CDCA7L: variants seen among roughly 807,000 people sequenced by gnomAD.
The protein encoded by CDCA7L is cell division cycle associated 7 like, also known as cell division cycle-associated 7-like protein.
CDCA7L carries 44 observed loss-of-function variants against 57.4 expected under a neutral mutation model. The ratio of observed to expected loss-of-function variants is 0.77; its 90% CI spans 0.60 to 0.98. CDCA7L has a LOEUF of 0.98. CDCA7L is among the 50% of genes least tolerant of loss of function. The pLI is 0.00. For synonymous variants in CDCA7L, 236 were observed against 202.8 expected (o/e 1.16, Z -1.39); for missense variants, 644 against 580.6 (o/e 1.11, Z -1.12).
Position 21,902,163 on chromosome 7 carries a change from TTGTAAGCA to T in CDCA7L, c.*151_*158del. On this transcript the variant is annotated 3_prime_UTR_variant, in exon 10 of 10. Transcript: ENST00000406877. ...GCTCTGCTGTCTTCCTGAGAAATCTTTGTAAGCATATAAACAATCTTTAACAAAAAATA... is the reference window on the plus strand; with the variant it reads ...GCTCTGCTGTCTTCCTGAGAAATCTTTATAAACAATCTTTAACAAAAAATA... The T allele has an allele frequency of 1.4e-6, 1 of 712,934 alleles. No homozygotes were observed. Among genetic ancestry groups the T allele is most frequent in the South Asian group, 1.7e-5 (1 of 57,432 alleles). The allele number at this position is 712,934 out of a possible 1,614,324, so 44.2% of individuals were successfully genotyped here. A position where few individuals can be genotyped will look rare whatever the true frequency, so the allele number is the denominator to read the frequency against.
rs74856427 is a variant in CDCA7L, at chr7:21,914,742, C to G, written c.165+2012G>C. ...GTGGGGCCTTGGGCAAGTCATTACA[C>G]CTTCCTGAACGTCAGTTTCATCACT... is the stretch of plus-strand genomic sequence containing the variant. On this transcript the variant is annotated intron_variant, in intron 2 of 9. Coordinates refer to ENST00000406877, the MANE Select transcript of CDCA7L (RefSeq NM_018719.5). 9.1e-3 allele frequency among the ~76,000 whole-genome samples: 1,381 copies of G among 152,264 alleles called. 17 individuals are homozygous for G. Among genetic ancestry groups the G allele is most frequent in the African/African-American group, 0.03 (1,267 of 41,544 alleles).
intron 1 of CDCA7L, among the ~76,000 whole-genome samples, chr7:21,941,605 A>T (rs1165291578): frequency 1.3e-5 from 2 of 152,198 alleles, no homozygotes; most frequent in Non-Finnish European, 2.9e-5. Flanking sequence ...GTGAGTTCCT[A>T]AAAAAGAACC....
chr7:21,931,803 T>C (rs1196863834), intron 1 of CDCA7L, among the ~76,000 whole-genome samples: 1 of 152,186 alleles, frequency 6.6e-6, no homozygotes, highest in African/African-American at 2.4e-5. Flanking sequence ...CCATTTTCCA[T>C]TGCCAGGGCA....
At position 21,911,522 on chromosome 7, in the gene CDCA7L, T is replaced by C. The variant is rs895833880; in HGVS notation, c.303+95A>G. On this transcript the variant is annotated intron_variant, in intron 3 of 9. Coordinates refer to ENST00000406877, the MANE Select transcript of CDCA7L (RefSeq NM_018719.5). ...GTAAGATAAATATGTAAGAAAAATC[T>C]TTTCACTTGTGAAGTGACTGCTTAC... 36 of 1,407,866 alleles carry C rather than the reference T, an allele frequency of 2.6e-5. No homozygotes were observed. In the African/African-American group the frequency reaches 5.1e-4, roughly 20 times the overall value. The allele number at this position is 1,407,866 out of a possible 1,614,324, so 87.2% of individuals were successfully genotyped here.
At chr7:21,916,087 G>A (rs1305530204) in intron 2 of CDCA7L, among the ~76,000 whole-genome samples, 3 of 152,132 alleles carry the variant, frequency 2.0e-5, no homozygotes, top group Admixed American at 6.5e-5. Context: ...CTTGCCCAGT[G>A]GAAGCAAAGT....
intron 1 of CDCA7L, among the ~76,000 whole-genome samples, chr7:21,943,004 T>G (rs1583883888): frequency 6.6e-6 from 1 of 152,362 alleles, no homozygotes; most frequent in East Asian, 1.9e-4. Flanking sequence ...TGGGCCATCC[T>G]GTACTCTGGA....
chr7:21,923,639 A>G (rs1785733820), intron 1 of CDCA7L, among the ~76,000 whole-genome samples: 1 of 152,226 alleles, frequency 6.6e-6, no homozygotes, highest in Non-Finnish European at 1.5e-5. Flanking sequence ...ATGTGGCTTA[A>G]GAACCCAACT....
At chr7:21,909,844 G>A (rs1305901060) in intron 3 of CDCA7L, among the ~76,000 whole-genome samples, 1 of 152,156 alleles carries the variant, frequency 6.6e-6, no homozygotes, top group African/African-American at 2.4e-5. Flanking sequence ...AGACCCAAGA[G>A]AAGAGCACAA....
chr7:21,919,674 C>T (rs1785593717), intron 1 of CDCA7L, among the ~76,000 whole-genome samples: 1 of 152,090 alleles, frequency 6.6e-6, no homozygotes, highest in Non-Finnish European at 1.5e-5. Context: ...TCTCCCTCAT[C>T]TCACATTAGC....
rs370049835 is a variant in CDCA7L at position 21,908,504 on chromosome 7, C to G, written c.307G>C (p.Val103Leu). 22 of 1,514,750 alleles carry G rather than the reference C, an allele frequency of 1.5e-5. No homozygotes were observed. Among genetic ancestry groups the G allele is most frequent in the Non-Finnish European group, 1.9e-5 (22 of 1,137,042 alleles). The allele number at this position is 1,514,750 out of a possible 1,614,324, so 93.8% of individuals were successfully genotyped here. A position where few individuals can be genotyped will look rare whatever the true frequency, so the allele number is the denominator to read the frequency against. The change falls in exon 4 of 10, where the codon GTG becomes CTG. Residue 103 changes from valine to leucine, a missense_variant. Physicochemically the swap from Val to Leu is conservative, Grantham distance 32. Coordinates refer to ENST00000406877, the MANE Select transcript of CDCA7L (RefSeq NM_018719.5). ...NGKTNPEVMVVESDLSDDGKA... is the reference protein window; with the variant it reads ...NGKTNPEVMVLESDLSDDGKA... ...CCATCATCACTCAAATCTGACTCCA[C>G]GACCTAATAAAATAAGAGCAAGAAA...
In CDCA7L at chr7:21,902,013, T is replaced by TCTAACTTACTTACCTGAAC; in HGVS notation, c.*290_*308dup. ...GGAGCTGATCATACAATGTTTTCTCTCTAACTTACTTACCTGAACTTTAAC... is the reference window on the plus strand; with the variant it reads ...GGAGCTGATCATACAATGTTTTCTCTCTAACTTACTTACCTGAACCTAACTTACTTACCTGAACTTTAAC... On this transcript the variant is annotated 3_prime_UTR_variant, in exon 10 of 10. Transcript: ENST00000406877. The TCTAACTTACTTACCTGAAC allele has an allele frequency of 2.7e-6, 1 of 375,114 alleles. No homozygotes were observed. The highest frequency in any genetic ancestry group is 3.5e-5 in the South Asian group (1 of 28,570). 23.2% of individuals were successfully genotyped at this position (375,114 alleles called of 1,614,324 possible). A position where few individuals can be genotyped will look rare whatever the true frequency, so the allele number is the denominator to read the frequency against.
chr7:21,901,398 G>T lies in CDCA7L; in HGVS notation c.*924C>A, dbSNP rs1344897164. The T allele has an allele frequency of 2.5e-6, 3 of 1,201,242 alleles. No individual in the cohort carries two copies. 74.4% of individuals were successfully genotyped at this position (1,201,242 alleles called of 1,614,324 possible). ...TTTCAACGCTATCCTTAGAGTGAAAGTCAGAAAAAAATACTAGAAACTAAC... is the reference window on the plus strand; with the variant it reads ...TTTCAACGCTATCCTTAGAGTGAAATTCAGAAAAAAATACTAGAAACTAAC... On this transcript the variant is annotated 3_prime_UTR_variant, in exon 10 of 10. Coordinates refer to ENST00000406877, the MANE Select transcript of CDCA7L (RefSeq NM_018719.5).
At chr7:21,931,430 G>A (rs979749180) in intron 1 of CDCA7L, among the ~76,000 whole-genome samples, 2 of 152,110 alleles carry the variant, frequency 1.3e-5, no homozygotes, top group African/African-American at 2.4e-5. Flanking sequence ...TTATCCACCA[G>A]GATCAAGTTG....
At chr7:21,935,144 C>T (rs1310624065) in intron 1 of CDCA7L, among the ~76,000 whole-genome samples, 1 of 152,048 alleles carries the variant, frequency 6.6e-6, no homozygotes, top group Non-Finnish European at 1.5e-5. Context: ...ATATGTTAGG[C>T]CACAAAACAA....
At chr7:21,945,659 C>A (rs1786502046) in intron 1 of CDCA7L, 122 bp downstream of exon 1, 3 of 1,262,504 alleles carry the variant, frequency 2.4e-6, no homozygotes, top group African/African-American at 1.6e-5. Flanking sequence ...CGGCTGGGCG[C>A]GCCAGATCCC....
At chr7:21,935,586 A>G (rs1007032741) in intron 1 of CDCA7L, among the ~76,000 whole-genome samples, 4 of 93,562 alleles carry the variant, frequency 4.3e-5, no homozygotes, top group South Asian at 8.5e-4. Flanking sequence ...TGAAGCCAAA[A>G]GTTTATTCTT....
chr7:21,943,305 A>G (rs531147561), intron 1 of CDCA7L, among the ~76,000 whole-genome samples: 3 of 152,362 alleles, frequency 2.0e-5, no homozygotes, highest in East Asian at 3.9e-4. Context: ...TTCAGAGTAA[A>G]TGAGTCTCCT....
At chr7:21,924,787 G>A (rs748881657) in intron 1 of CDCA7L, among the ~76,000 whole-genome samples, 7 of 152,110 alleles carry the variant, frequency 4.6e-5, no homozygotes, top group East Asian at 1.9e-4. Context: ...AGAAAACACC[G>A]TTAAGAGAAT....
At chr7:21,906,190 C>A (rs1334313136) in intron 6 of CDCA7L, 99 bp downstream of exon 6, 23 of 1,175,072 alleles carry the variant, frequency 2.0e-5, no homozygotes, top group Non-Finnish European at 2.8e-5. Flanking sequence ...CGCAGACCCA[C>A]GGGGTCAGAA....
Sources: gnomAD v4.1 joint callset for allele counts (sites outside exome capture counted in the v4.1 genomes callset) on GRCh38, gnomAD v4.1.1 for gene constraint, MANE v1.5 for transcripts, NCBI Gene and HGNC (gene_info 2026-07-23, HGNC 2026-07-21) for gene names.